The following KCNK5 variants were observed in gnomAD, a reference collection of about 807,000 sequenced individuals.
KCNK5 encodes potassium two pore domain channel subfamily K member 5, also known as potassium channel subfamily K member 5.
In KCNK5, 18 loss-of-function variants were observed where a neutral mutation model predicts 32.9. The observed-to-expected ratio is 0.55, with a 90% CI of 0.38 to 0.81. KCNK5 has a LOEUF of 0.81. Ranked by LOEUF, KCNK5 falls within the 30% of genes least tolerant of loss-of-function variation. The pLI is 0.00. For missense variants in KCNK5, 507 were observed against 651.0 expected (o/e 0.78, Z 2.41); for synonymous variants, 276 against 275.3 (o/e 1.00, Z -0.03).
intron 1 of KCNK5, among the ~76,000 whole-genome samples, chr6:39,199,102 T>G (rs1771082415): frequency 6.6e-6 from 1 of 151,828 alleles, no homozygotes; most frequent in Admixed American, 6.6e-5. Context: ...TTCTAATGGG[T>G]GATGGGAGAT....
chr6:39,191,864 G>A lies in KCNK5; in HGVS notation c.635-109C>T. 1 of 1,166,134 alleles carries A rather than the reference G, an allele frequency of 8.6e-7. No individual in the cohort carries two copies. Among genetic ancestry groups the A allele is most frequent in the Non-Finnish European group, 1.2e-6 (1 of 823,476 alleles). The allele number at this position is 1,166,134 out of a possible 1,614,324, so 72.2% of individuals were successfully genotyped here. On this transcript the variant is annotated intron_variant, in intron 4 of 4. Coordinates refer to ENST00000359534, the MANE Select transcript of KCNK5 (RefSeq NM_003740.4). This position sits in a 1 kb window ranked among gnomAD's most constrained non-coding sequence, Gnocchi z 5.8. ...AGGGGTCAGGCCAGAGCACAGGACG[G>A]GGGTGCAGTGGGATAGAAAGGGGCC...
At chr6:39,211,502 G>A (rs1291997514) in intron 1 of KCNK5, among the ~76,000 whole-genome samples, 1 of 152,208 alleles carries the variant, frequency 6.6e-6, no homozygotes, top group Non-Finnish European at 1.5e-5. Flanking sequence ...GAGGCCAGAT[G>A]TGGCATTAGA....
chr6:39,215,135 G>A (rs1048647161), intron 1 of KCNK5, among the ~76,000 whole-genome samples: 2 of 152,166 alleles, frequency 1.3e-5, no homozygotes, highest in African/African-American at 4.8e-5. Flanking sequence ...CATGCATTTG[G>A]GTGGATTGCA....
chr6:39,193,652 G>T (rs140258376), intron 4 of KCNK5, among the ~76,000 whole-genome samples: 2 of 152,228 alleles, frequency 1.3e-5, no homozygotes, highest in African/African-American at 4.8e-5. Context: ...TGTCAGGGCT[G>T]GGGGCAGGGC....
chr6:39,216,251 C>G (rs1771434385), intron 1 of KCNK5, among the ~76,000 whole-genome samples: 1 of 152,170 alleles, frequency 6.6e-6, no homozygotes, highest in African/African-American at 2.4e-5. Flanking sequence ...TACCACTGCA[C>G]CCCAGCCTGG....
At chr6:39,201,253 CTT>C (rs11291715) in intron 1 of KCNK5, among the ~76,000 whole-genome samples, 33,522 of 141,020 alleles carry the variant, frequency 0.24, 3,997 homozygotes, top group East Asian at 0.54. Flanking sequence ...CTTTTTTCTT[CTT>C]TTTTTTTTTT....
chr6:39,196,773 A>T (rs1276223638), intron 1 of KCNK5, among the ~76,000 whole-genome samples: 5 of 152,230 alleles, frequency 3.3e-5, no homozygotes, highest in Non-Finnish European at 7.3e-5. Context: ...AGTACATTTC[A>T]GGGTGACTCA....
In KCNK5 at chr6:39,191,532, C is replaced by T. The variant is rs1410031085; in HGVS notation, c.858G>A (p.Lys286=). The T allele has an allele frequency of 3.1e-6, 5 of 1,613,876 alleles. No homozygotes were observed. The highest frequency in any genetic ancestry group is 4.2e-6 in the Non-Finnish European group (5 of 1,180,038). The change falls in exon 5 of 5, where the codon AAG becomes AAA. Residue 286 remains lysine (K), a synonymous_variant. Transcript: ENST00000359534. This position sits in a 1 kb window ranked among gnomAD's most constrained non-coding sequence, Gnocchi z 5.8. ...ALQVKGSTAS[K]DVNIFSFLSK... is the part of the protein sequence containing the mutation. Reference sequence around the variant, plus strand: ...AAAGAAAGCTGAAGATGTTGACGTCCTTGGAGGCTGTGCTCCCCTTCACCT... The same window carrying T: ...AAAGAAAGCTGAAGATGTTGACGTCTTTGGAGGCTGTGCTCCCCTTCACCT...
rs148735939 is a variant in KCNK5, at chr6:39,197,037, A to G, written c.187-1050T>C. 4.3e-3 allele frequency among the ~76,000 whole-genome samples: 656 copies of G among 152,206 alleles called. 3 individuals carry two copies. The highest frequency in any genetic ancestry group is 0.013 in the African/African-American group (539 of 41,542). ...GCAGGGCCTGGACCCCAGAAGTCAC[A>G]TAAGAAGGGACTCTAAATCTGGGGC... On this transcript the variant is annotated intron_variant, in intron 1 of 4. Coordinates refer to ENST00000359534, the MANE Select transcript of KCNK5 (RefSeq NM_003740.4).
At position 39,194,349 on chromosome 6, in the gene KCNK5, C is replaced by G. The variant is rs935568107; in HGVS notation, c.466-12G>C. ...ATCTGCGCCTTCCGCTGATGGGGAG[C>G]AGGAGGCCAAGTCAGAGAATAGTGG... On this transcript the variant is annotated splice_polypyrimidine_tract_variant and intron_variant, in intron 3 of 4. Coordinates refer to ENST00000359534, the MANE Select transcript of KCNK5 (RefSeq NM_003740.4). The surrounding 1 kb of genome is among the most constrained non-coding windows in gnomAD (Gnocchi z 4.7). 2 of 1,590,870 alleles carry G rather than the reference C, an allele frequency of 1.3e-6. No homozygotes were observed. The highest frequency in any genetic ancestry group is 2.7e-5 in the African/African-American group (2 of 74,476).
intron 4 of KCNK5, among the ~76,000 whole-genome samples, chr6:39,193,514 A>G (rs1770977043): frequency 1.3e-5 from 2 of 152,264 alleles, no homozygotes; most frequent in Non-Finnish European, 2.9e-5. Flanking sequence ...ATTAAGAACC[A>G]AGATGCTGTG....
chr6:39,220,879 C>T (rs1236055272), intron 1 of KCNK5, among the ~76,000 whole-genome samples: 1 of 152,138 alleles, frequency 6.6e-6, no homozygotes, highest in South Asian at 2.1e-4. Flanking sequence ...ACGGACATAC[C>T]GTACTATTAT....
In KCNK5 at chr6:39,213,887, G is replaced by A. The variant is rs150439802; in HGVS notation, c.186+15039C>T. Among the ~76,000 whole-genome samples, 221 of 152,260 alleles carry A rather than the reference G, an allele frequency of 1.5e-3. 2 individuals are homozygous for A. Among genetic ancestry groups the A allele is most frequent in the African/African-American group, 5.0e-3 (207 of 41,532 alleles). ...TAAAAACACAAAAAATTAGCCGGGT[G>A]TGGTGGTGTGGGCCTGTAATCCCAG... On this transcript the variant is annotated intron_variant, in intron 1 of 4. Transcript: ENST00000359534.
chr6:39,228,273 C>G (rs1478917422), intron 1 of KCNK5, among the ~76,000 whole-genome samples: 1 of 152,172 alleles, frequency 6.6e-6, no homozygotes, highest in Non-Finnish European at 1.5e-5. Flanking sequence ...AAGTTTTACT[C>G]CAAGCCCTTG....
chr6:39,228,719 G>A (rs746696794), intron 1 of KCNK5, among the ~76,000 whole-genome samples: 1 of 152,174 alleles, frequency 6.6e-6, no homozygotes, highest in African/African-American at 2.4e-5. Flanking sequence ...GTTCCAAAGA[G>A]TCTCCGCGCC....
chr6:39,221,697 T>C (rs1356713519), intron 1 of KCNK5, among the ~76,000 whole-genome samples: 1 of 152,172 alleles, frequency 6.6e-6, no homozygotes, highest in Admixed American at 6.5e-5. Flanking sequence ...CTTACTATTC[T>C]TCCTCCAGGT....
At chr6:39,223,002 G>A (rs1053176716) in intron 1 of KCNK5, among the ~76,000 whole-genome samples, 1 of 152,136 alleles carries the variant, frequency 6.6e-6, no homozygotes, top group Non-Finnish European at 1.5e-5. Flanking sequence ...GCTTTTAAAC[G>A]TGGCTAAAAT....
chr6:39,206,513 C>T (rs1460412764), intron 1 of KCNK5, among the ~76,000 whole-genome samples: 3 of 152,202 alleles, frequency 2.0e-5, no homozygotes, highest in Non-Finnish European at 4.4e-5. Flanking sequence ...TCATCACCTT[C>T]CCATCCCGGG....
At chr6:39,227,547 C>T (rs897774776) in intron 1 of KCNK5, among the ~76,000 whole-genome samples, 1 of 152,166 alleles carries the variant, frequency 6.6e-6, no homozygotes, top group African/African-American at 2.4e-5. Flanking sequence ...GGGCAAGAGA[C>T]TCTCCACTAA....
Sources: gnomAD v4.1 joint callset for allele counts (sites outside exome capture counted in the v4.1 genomes callset) on GRCh38, gnomAD v4.1.1 for gene constraint, Gnocchi (gnomAD v3.1) non-coding constraint, MANE v1.5 for transcripts, NCBI Gene and HGNC (gene_info 2026-07-23, HGNC 2026-07-21) for gene names.